The following EPHA6 variants were observed in gnomAD, a reference collection of about 807,000 sequenced individuals.
EPHA6 encodes EPH receptor A6.
Under a neutral mutation model 112.0 loss-of-function variants are expected in EPHA6, and 50 were observed. That is an observed-to-expected ratio of 0.45 (90% confidence interval 0.36 to 0.56). The LOEUF (loss-of-function observed/expected upper bound fraction) is 0.56. Among genes scored for constraint, EPHA6 ranks in the 20% least tolerant of loss-of-function variants. The probability of loss-of-function intolerance (pLI) is 0.00; values close to 1 mark genes in which losing one functional copy is unlikely to be tolerated. For missense variants in EPHA6, 1,280 were observed against 1,417.4 expected (o/e 0.90, Z 1.56); for synonymous variants, 529 against 490.7 (o/e 1.08, Z -1.03).
At chr3:97,478,433 T>C (rs1472914721) in intron 8 of EPHA6, among the ~76,000 whole-genome samples, 1 of 152,098 alleles carries the variant, frequency 6.6e-6, no homozygotes, top group Non-Finnish European at 1.5e-5. Context: ...TGGAGCAGAA[T>C]AGATATACCA....
chr3:97,642,603 A>G (rs2094018511), intron 14 of EPHA6, among the ~76,000 whole-genome samples: 2 of 152,120 alleles, frequency 1.3e-5, no homozygotes, highest in African/African-American at 4.8e-5. Context: ...AAAGGAGCTG[A>G]TGGGGCTGAA....
chr3:97,506,293 T>C (rs779406512), intron 10 of EPHA6, among the ~76,000 whole-genome samples: 1 of 152,234 alleles, frequency 6.6e-6, no homozygotes, highest in South Asian at 2.1e-4. Flanking sequence ...CTAGGTTTTC[T>C]TCTAGAGTTT....
At chr3:96,950,251 T>C (rs2041468277) in intron 2 of EPHA6, among the ~76,000 whole-genome samples, 1 of 152,100 alleles carries the variant, frequency 6.6e-6, no homozygotes, top group African/African-American at 2.4e-5. Context: ...CTATTAGAGG[T>C]TCTCTCATTC....
chr3:97,361,133 C>T (rs2084348674), intron 5 of EPHA6, among the ~76,000 whole-genome samples: 1 of 152,140 alleles, frequency 6.6e-6, no homozygotes. Flanking sequence ...GTAAACAACA[C>T]AAAAATTTCA....
chr3:97,744,643 A>T (rs978668800), intron 16 of EPHA6, among the ~76,000 whole-genome samples: 2 of 151,976 alleles, frequency 1.3e-5, no homozygotes, highest in African/African-American at 4.8e-5. Flanking sequence ...ATGCTTTTCA[A>T]CAAGGGAAAT....
chr3:97,558,241 T>G (rs2093141053), intron 11 of EPHA6, among the ~76,000 whole-genome samples: 1 of 151,972 alleles, frequency 6.6e-6, no homozygotes, highest in South Asian at 2.1e-4. Flanking sequence ...GGCATATTTG[T>G]CTGTAGCAGA....
chr3:97,163,032 G>A (rs758740461), intron 3 of EPHA6, among the ~76,000 whole-genome samples: 14 of 152,044 alleles, frequency 9.2e-5, no homozygotes, highest in Non-Finnish European at 1.5e-4. Context: ...TTGCATTCAG[G>A]TTTCCTAATT....
chr3:97,332,888 A>G (rs1402559080), intron 5 of EPHA6, among the ~76,000 whole-genome samples: 2 of 152,110 alleles, frequency 1.3e-5, no homozygotes, highest in Middle Eastern at 3.2e-3. Flanking sequence ...TTAATATCAC[A>G]TAGATCATTC....
chr3:97,459,627 C>T (rs759264230), intron 7 of EPHA6, among the ~76,000 whole-genome samples: 8 of 152,132 alleles, frequency 5.3e-5, no homozygotes, highest in South Asian at 2.1e-4. Flanking sequence ...GTGAGCTTCC[C>T]GTAACTGACT....
chr3:97,610,419 A>C (rs553598193), intron 12 of EPHA6, among the ~76,000 whole-genome samples: 1 of 151,808 alleles, frequency 6.6e-6, no homozygotes, highest in East Asian at 1.9e-4. Context: ...TTGTACCACA[A>C]CTGCAAAAGC....
chr3:97,563,085 T>C (rs2093213765), intron 11 of EPHA6, among the ~76,000 whole-genome samples: 1 of 152,198 alleles, frequency 6.6e-6, no homozygotes, highest in Non-Finnish European at 1.5e-5. Context: ...TATTGCAATA[T>C]TTACTTTATT....
intron 2 of EPHA6, 29 bp from the exon 3 acceptor site, chr3:96,987,301 C>G: frequency 6.5e-7 from 1 of 1,543,962 alleles, no homozygotes; most frequent in African/African-American, 1.4e-5. Flanking sequence ...GGTTTAAAAT[C>G]ACTTAATTAC....
chr3:97,410,491 G>T (rs1396062496), intron 6 of EPHA6, among the ~76,000 whole-genome samples: 1 of 151,816 alleles, frequency 6.6e-6, no homozygotes, highest in Non-Finnish European at 1.5e-5. Flanking sequence ...TGTTATTTAG[G>T]TACAGAAACA....
chr3:97,484,807 C>T (rs1032029777), intron 10 of EPHA6, among the ~76,000 whole-genome samples: 2 of 152,188 alleles, frequency 1.3e-5, no homozygotes, highest in Non-Finnish European at 2.9e-5. Flanking sequence ...CTGTAAATGA[C>T]CAAAGCTGGG....
intron 10 of EPHA6, among the ~76,000 whole-genome samples, chr3:97,513,306 C>G (rs2092396076): frequency 6.6e-6 from 1 of 152,082 alleles, no homozygotes; most frequent in Non-Finnish European, 1.5e-5. Flanking sequence ...GGTATATATC[C>G]AAAGGAAATG....
intron 4 of EPHA6, among the ~76,000 whole-genome samples, chr3:97,226,802 T>C (rs976766579): frequency 3.3e-5 from 5 of 152,212 alleles, no homozygotes; most frequent in African/African-American, 1.2e-4. Context: ...TTTAGGACCA[T>C]ATAGTTAACG....
intron 5 of EPHA6, among the ~76,000 whole-genome samples, chr3:97,312,584 C>A (rs1274876375): frequency 6.6e-6 from 1 of 150,872 alleles, no homozygotes; most frequent in Non-Finnish European, 1.5e-5. Flanking sequence ...ACTTCTGGTC[C>A]CAATCATTTT....
At position 97,050,126 on chromosome 3, in the gene EPHA6, GACTCAGACCA is replaced by G. The variant is rs1400868977; in HGVS notation, c.1114+62136_1114+62145del. ...CATTGACAAGTGATCTGAGGCTCTGGACTCAGACCAACGTGATGTGGTATTCAGATAGCCT... is the reference window on the plus strand; with the variant it reads ...CATTGACAAGTGATCTGAGGCTCTGGACGTGATGTGGTATTCAGATAGCCT... On this transcript the variant is annotated intron_variant, in intron 3 of 17. Transcript: ENST00000389672. Among the ~76,000 whole-genome samples, 3 of 152,220 alleles carry G rather than the reference GACTCAGACCA, an allele frequency of 2.0e-5. No individual in the cohort carries two copies. The East Asian group carries it at 5.8e-4, about 29-fold the overall frequency.
At chr3:97,120,046 G>T (rs2047998961) in intron 3 of EPHA6, among the ~76,000 whole-genome samples, 1 of 151,970 alleles carries the variant, frequency 6.6e-6, no homozygotes. Flanking sequence ...AATATAGTTT[G>T]TGTGAGAAAA....
Sources: gnomAD v4.1 joint callset for allele counts (sites outside exome capture counted in the v4.1 genomes callset) on GRCh38, gnomAD v4.1.1 for gene constraint, MANE v1.5 for transcripts, NCBI Gene and HGNC (gene_info 2026-07-23, HGNC 2026-07-21) for gene names.